KCNH8: variants seen among roughly 807,000 people sequenced by gnomAD.
KCNH8 encodes the protein potassium voltage-gated channel subfamily H member 8, also known as voltage-gated delayed rectifier potassium channel KCNH8.
In KCNH8, 70 loss-of-function variants were observed where a neutral mutation model predicts 103.6. The observed-to-expected ratio is 0.68, with a 90% confidence interval of 0.56 to 0.82. The LOEUF is 0.82. Ranked by LOEUF, KCNH8 falls within the 40% of genes least tolerant of loss-of-function variation. The pLI, the probability that KCNH8 is intolerant of heterozygous loss-of-function variation, is 0.00. For synonymous variants in KCNH8, 498 were observed against 489.4 expected (o/e 1.02, Z -0.23); for missense variants, 1,217 against 1,329.9 (o/e 0.92, Z 1.32).
intron 3 of KCNH8, among the ~76,000 whole-genome samples, chr3:19,314,078 A>G (rs2065242019): frequency 6.6e-6 from 1 of 151,978 alleles, no homozygotes; most frequent in Admixed American, 6.6e-5. Context: ...AATTTCTGAA[A>G]GTTTCAATAA....
intron 1 of KCNH8, among the ~76,000 whole-genome samples, chr3:19,215,125 G>T (rs189954610): frequency 6.6e-6 from 1 of 152,322 alleles, no homozygotes; most frequent in East Asian, 1.9e-4. Flanking sequence ...GTTCCTTGAA[G>T]TGAGTCTGCA....
intron 7 of KCNH8, 50 bp from the exon 8 acceptor site, chr3:19,438,114 C>G: frequency 1.4e-6 from 2 of 1,438,574 alleles, no homozygotes; most frequent in Non-Finnish European, 2.0e-6. Context: ...TGTGTTAATA[C>G]TGAGACTTTA....
intron 7 of KCNH8, among the ~76,000 whole-genome samples, chr3:19,429,109 C>CATGAAACAAAG (rs1332608054): frequency 6.6e-6 from 1 of 151,206 alleles, no homozygotes; most frequent in Non-Finnish European, 1.5e-5. Flanking sequence ...CCTATCAAGC[C>CATGAAACAAAG]ATGAAACAAA....
At chr3:19,320,041 GT>G (rs951744009) in intron 3 of KCNH8, among the ~76,000 whole-genome samples, 1 of 151,948 alleles carries the variant, frequency 6.6e-6, no homozygotes, top group Non-Finnish European at 1.5e-5. Flanking sequence ...TCATTTACCT[GT>G]TCTGGGAGTT....
intron 1 of KCNH8, among the ~76,000 whole-genome samples, chr3:19,222,184 C>G (rs1163546212): frequency 6.6e-6 from 1 of 152,140 alleles, no homozygotes; most frequent in Non-Finnish European, 1.5e-5. Context: ...TGGAGTTGGG[C>G]AATATGAGTA....
intron 11 of KCNH8, among the ~76,000 whole-genome samples, chr3:19,460,656 T>C (rs2125192092): frequency 6.6e-6 from 1 of 152,308 alleles, no homozygotes; most frequent in Admixed American, 6.5e-5. Flanking sequence ...GATCACGTCC[T>C]TCAAGTCTTA....
chr3:19,322,872 G>A (rs2065368255), intron 3 of KCNH8, among the ~76,000 whole-genome samples: 1 of 152,104 alleles, frequency 6.6e-6, no homozygotes, highest in Non-Finnish European at 1.5e-5. Flanking sequence ...CTTCTTGGGG[G>A]CTTTGTTAAT....
At chr3:19,357,334 G>A (rs1488543073) in intron 5 of KCNH8, among the ~76,000 whole-genome samples, 2 of 151,842 alleles carry the variant, frequency 1.3e-5, no homozygotes, top group East Asian at 3.9e-4. Flanking sequence ...ATCATTCAGA[G>A]AGATATGGCA....
chr3:19,335,254 T>C (rs879601146), intron 3 of KCNH8, among the ~76,000 whole-genome samples: 4 of 151,872 alleles, frequency 2.6e-5, no homozygotes, highest in Admixed American at 2.0e-4. Context: ...GTCATGTGTT[T>C]TATTTTTATT....
chr3:19,165,530 C>G (rs2063274640), intron 1 of KCNH8, among the ~76,000 whole-genome samples: 1 of 152,108 alleles, frequency 6.6e-6, no homozygotes, highest in Non-Finnish European at 1.5e-5. Context: ...TCTCAATTCT[C>G]CAACACCAGT....
At chr3:19,511,929 G>C (rs148821915) in intron 12 of KCNH8, among the ~76,000 whole-genome samples, 88 of 151,952 alleles carry the variant, frequency 5.8e-4, no homozygotes, top group African/African-American at 2.1e-3. Flanking sequence ...CAAAAAATCC[G>C]TATACACCAA....
At chr3:19,328,584 AG>A (rs1236116843) in intron 3 of KCNH8, among the ~76,000 whole-genome samples, 3 of 152,192 alleles carry the variant, frequency 2.0e-5, no homozygotes, top group African/African-American at 4.8e-5. Flanking sequence ...GAAAGATTCC[AG>A]AGACAGCGTT....
chr3:19,249,201 G>GT lies in KCNH8; in HGVS notation c.77-4449dup, dbSNP rs1267842887. Among the ~76,000 whole-genome samples, 4 of 152,292 alleles carry GT rather than the reference G, an allele frequency of 2.6e-5. No homozygotes were observed. The East Asian group carries it at 7.7e-4, about 29-fold the overall frequency. On this transcript the variant is annotated intron_variant, in intron 1 of 15. Transcript: ENST00000328405. ...TCGTAAGTATTATGGCAGTGGCTTT[G>GT]TTTTACATAATTCTAAAGTAAATGT...
At chr3:19,265,483 A>G (rs2064497724) in intron 2 of KCNH8, among the ~76,000 whole-genome samples, 1 of 151,780 alleles carries the variant, frequency 6.6e-6, no homozygotes, top group Non-Finnish European at 1.5e-5. Context: ...TATTCTTTCC[A>G]CCCCTGATAT....
intron 15 of KCNH8, among the ~76,000 whole-genome samples, chr3:19,520,187 G>A (rs528324918): frequency 4.7e-5 from 7 of 150,490 alleles, no homozygotes; most frequent in Non-Finnish European, 1.0e-4. Context: ...CTATCAACCC[G>A]TCATCTACAT....
At chr3:19,243,573 A>G (rs1189238323) in intron 1 of KCNH8, among the ~76,000 whole-genome samples, 1 of 152,206 alleles carries the variant, frequency 6.6e-6, no homozygotes, top group East Asian at 1.9e-4. Context: ...ATTATGGAAA[A>G]CATTTGAATA....
Position 19,533,415 on chromosome 3 carries a change from A to C in KCNH8, c.2640A>C (p.Glu880Asp). 1 of 1,613,640 alleles carries C rather than the reference A, an allele frequency of 6.2e-7. No individual in the cohort carries two copies. The highest frequency in any genetic ancestry group is 8.5e-7 in the Non-Finnish European group (1 of 1,179,526). The change falls in exon 16 of 16, where the codon GAA becomes GAC. Residue 880 changes from glutamate (E) to aspartate (D), a missense_variant. Transcript: ENST00000328405. The part of the protein sequence containing the change: ...LNSEVTTLTQ[E>D]VSQLGKDMRN... ...CATAGGTAACAACATTGACTCAGGA[A>C]GTTTCTCAGTTGGGTAAAGACATGA...
At chr3:19,175,980 A>G (rs140475547) in intron 1 of KCNH8, among the ~76,000 whole-genome samples, 1 of 152,162 alleles carries the variant, frequency 6.6e-6, no homozygotes, top group Non-Finnish European at 1.5e-5. Flanking sequence ...GGAGTTTAGG[A>G]TCAATTTAGC....
At chr3:19,308,650 GTCTCTCTCTCTCTC>G (rs1163604706) in intron 3 of KCNH8, among the ~76,000 whole-genome samples, 40 of 51,362 alleles carry the variant, frequency 7.8e-4, no homozygotes, top group Non-Finnish European at 1.2e-3. Flanking sequence ...GAATGTTGGG[GTCTCTCTCTCTCTC>G]TCTCTCTCTC....
Sources: gnomAD v4.1 joint callset for allele counts (sites outside exome capture counted in the v4.1 genomes callset) on GRCh38, gnomAD v4.1.1 for gene constraint, MANE v1.5 for transcripts, NCBI Gene and HGNC (gene_info 2026-07-23, HGNC 2026-07-21) for gene names.